The following MROH2A variants were observed in gnomAD, a reference collection of about 807,000 sequenced individuals.
MROH2A encodes maestro heat-like repeat-containing protein family member 2A.
Under a neutral mutation model 200.4 loss-of-function variants are expected in MROH2A, and 174 were observed. The ratio of observed to expected loss-of-function variants is 0.87; its 90% CI spans 0.77 to 0.98. MROH2A has a LOEUF of 0.98. Ranked by LOEUF, MROH2A falls within the 50% of genes least tolerant of loss-of-function variation. The pLI is 0.00. For missense variants in MROH2A, 2,045 were observed against 2,139.6 expected (o/e 0.96, Z 0.87); for synonymous variants, 829 against 840.4 (o/e 0.99, Z 0.23).
chr2:233,828,321 T>C lies in MROH2A; in HGVS notation c.4114-309T>C, dbSNP rs2124914096. Among the ~76,000 whole-genome samples the C allele has an allele frequency of 6.6e-6, 1 of 152,326 alleles. No homozygotes were observed. Among genetic ancestry groups the C allele is most frequent in the East Asian group, 1.9e-4 (1 of 5,192 alleles). On this transcript the variant is annotated intron_variant, in intron 35 of 41. Transcript: ENST00000389758. The surrounding 1 kb of genome is among the most constrained non-coding windows in gnomAD (Gnocchi z 4.6). ...TGTTTTTTGTGCCTTTCTGTTCAGA[T>C]GCAGGTGGGCGTGGCTCTTGCATTT...
chr2:233,813,637 A>C, intron 24 of MROH2A, 33 bp from the exon 25 acceptor site: 1 of 1,377,398 alleles, frequency 7.3e-7, no homozygotes, highest in African/African-American at 1.4e-5. Context: ...CTCCCCAATG[A>C]CTGTTCCTCT....
chr2:233,818,735 G>A lies in MROH2A; in HGVS notation c.3169G>A (p.Glu1057Lys). The change falls in exon 29 of 42, where the codon GAG becomes AAG. Residue 1057 changes from glutamate to lysine, a missense_variant. Transcript: ENST00000389758. ...GGGGGACCTCCAGAGCACAGATGTG[G>A]AGAAGATCTTCTGTGCATCCTCCAG... Reference protein sequence around the residue: ...CKGDLQSTDVEKIFCASSRIA... With the variant: ...CKGDLQSTDVKKIFCASSRIA... 6.5e-7 allele frequency: 1 copy of A among 1,549,608 alleles called. No homozygotes were observed. The highest frequency in any genetic ancestry group is 1.2e-5 in the South Asian group (1 of 84,024).
intron 11 of MROH2A, among the ~76,000 whole-genome samples, chr2:233,798,411 C>T (rs28900430): frequency 6.6e-6 from 1 of 152,184 alleles, no homozygotes; most frequent in African/African-American, 2.4e-5. Flanking sequence ...GTGTCAGGAC[C>T]CATGCTCTTC....
At position 233,792,405 on chromosome 2, in the gene MROH2A, C is replaced by T. The variant is rs575271479; in HGVS notation, c.572-391C>T. On this transcript the variant is annotated intron_variant, in intron 5 of 41. Transcript: ENST00000389758. The stretch of plus-strand genomic sequence containing the variant: ...TCGGCTCACTGCAAGCTCCGCCTCC[C>T]GGGTTCACGCCATTCTCCTGCCTCT... Among the ~76,000 whole-genome samples the T allele has an allele frequency of 8.5e-4, 129 of 151,958 alleles. 1 individual carries two copies. Among genetic ancestry groups the T allele is most frequent in the African/African-American group, 2.9e-3 (119 of 41,422 alleles).
intron 38 of MROH2A, 131 bp from the exon 39 acceptor site, chr2:233,831,278 C>A: frequency 8.2e-7 from 1 of 1,214,672 alleles, no homozygotes; most frequent in Middle Eastern, 2.8e-4. Flanking sequence ...CTCCCAGGAG[C>A]CACCAGCCCT....
intron 19 of MROH2A, among the ~76,000 whole-genome samples, chr2:233,805,326 A>G (rs576860023): frequency 1.1e-3 from 175 of 152,340 alleles, no homozygotes; most frequent in African/African-American, 3.9e-3. Flanking sequence ...CTGGCTAGCA[A>G]TCACATGTGT....
chr2:233,810,895 G>A lies in MROH2A; in HGVS notation c.2550G>A (p.Thr850=), dbSNP rs368659004. ...AGGACTTTCACTTTGCCCAGAAGAC[G>A]ACTCTTACCAGCATTATAGTGGTAA... ...DLEDFHFAQK[T]TLTSIIVAVI... The change falls in exon 23 of 42, where the codon ACG becomes ACA. Residue 850 remains threonine, a synonymous_variant. Coordinates refer to ENST00000389758, the MANE Select transcript of MROH2A (RefSeq NM_001394639.1). 45 of 1,550,264 alleles carry A rather than the reference G, an allele frequency of 2.9e-5. No homozygotes were observed. The South Asian group carries it at 4.2e-4, about 14-fold the overall frequency.
chr2:233,809,505 G>A (rs1703017010), intron 22 of MROH2A, among the ~76,000 whole-genome samples: 1 of 152,088 alleles, frequency 6.6e-6, no homozygotes, highest in Admixed American at 6.5e-5. Context: ...CCAGAGTGCT[G>A]GGTGGGGTCT....
At position 233,807,377 on chromosome 2, in the gene MROH2A, T is replaced by C. The variant is rs1702867825; in HGVS notation, c.2053-46T>C. ...CTCTACAACAGCACCCCCTGAAGGCTGGCTGTAGGGAGGCCTGAGCTCCTT... is the reference window on the plus strand; with the variant it reads ...CTCTACAACAGCACCCCCTGAAGGCCGGCTGTAGGGAGGCCTGAGCTCCTT... On this transcript the variant is annotated intron_variant, in intron 19 of 41. Coordinates refer to ENST00000389758, the MANE Select transcript of MROH2A (RefSeq NM_001394639.1). The surrounding 1 kb of genome is among the most constrained non-coding windows in gnomAD (Gnocchi z 4.3). 8 of 1,516,928 alleles carry C rather than the reference T, an allele frequency of 5.3e-6. No homozygotes were observed. The highest frequency in any genetic ancestry group is 7.1e-6 in the Non-Finnish European group (8 of 1,128,448). The allele number at this position is 1,516,928 out of a possible 1,614,324, so 94.0% of individuals were successfully genotyped here. A position where few individuals can be genotyped will look rare whatever the true frequency, so the allele number is the denominator to read the frequency against.
chr2:233,828,595 C>A lies in MROH2A; in HGVS notation c.4114-35C>A, dbSNP rs200779754. The A allele has an allele frequency of 1.3e-6, 2 of 1,544,376 alleles. No individual in the cohort carries two copies. The highest frequency in any genetic ancestry group is 2.7e-5 in the African/African-American group (2 of 72,844). On this transcript the variant is annotated intron_variant, in intron 35 of 41. Transcript: ENST00000389758. The surrounding 1 kb of genome is among the most constrained non-coding windows in gnomAD (Gnocchi z 4.6). ...ACCTTGCTGCTGAGAAATGAGCCCG[C>A]CCTGGGGATAACTGCCCAATGTCCT...
In MROH2A at chr2:233,804,066, C is replaced by T; in HGVS notation, c.1765C>T (p.Pro589Ser). The T allele has an allele frequency of 6.4e-7, 1 of 1,550,550 alleles. No individual in the cohort carries two copies. Among genetic ancestry groups the T allele is most frequent in the Non-Finnish European group, 8.7e-7 (1 of 1,146,980 alleles). The change falls in exon 17 of 42, where the codon CCT becomes TCT. Residue 589 changes from proline to serine, a missense_variant. Pro to Ser is a moderately conservative substitution (Grantham distance 74, BLOSUM62 -1). Coordinates refer to ENST00000389758, the MANE Select transcript of MROH2A (RefSeq NM_001394639.1). Reference protein sequence around the residue: ...LARLLVLMSSPYKGEGRGIAM... With the variant: ...LARLLVLMSSSYKGEGRGIAM... ...TGCCCTCCAGGTGCTGATGTCATCA[C>T]CTTACAAGGGGGAGGGTCGTGGGAT...
rs949032095 is a variant in MROH2A at position 233,802,195 on chromosome 2, A to T, written c.1588A>T (p.Ile530Phe). 1.3e-6 allele frequency: 2 copies of T among 1,550,174 alleles called. No individual in the cohort carries two copies. The highest frequency in any genetic ancestry group is 1.7e-6 in the Non-Finnish European group (2 of 1,146,790). Residue 530 changes from isoleucine (I) to phenylalanine (F), a missense_variant, in exon 15 of 42, where the codon ATC (isoleucine) becomes TTC (phenylalanine). Around this residue, in one of 3 missense-constraint regions of MROH2A, gnomAD observed 831 missense variants for 800.0 expected, o/e 1.04. Coordinates refer to ENST00000389758, the MANE Select transcript of MROH2A (RefSeq NM_001394639.1). ...TEFWVRLLCY[I>F]METDYVEALT... Reference sequence around the variant, plus strand: ...GTTTTGGGTGAGGCTGCTGTGCTACATCATGGAGACAGACTACGTGGAAGC... The same window carrying T: ...GTTTTGGGTGAGGCTGCTGTGCTACTTCATGGAGACAGACTACGTGGAAGC...
At chr2:233,788,595 G>T (rs901354988) in intron 3 of MROH2A, among the ~76,000 whole-genome samples, 2 of 152,012 alleles carry the variant, frequency 1.3e-5, no homozygotes, top group Non-Finnish European at 2.9e-5. Context: ...TTTTTCCTGA[G>T]GGCTTTGCAG....
chr2:233,792,517 G>T (rs186118135), intron 5 of MROH2A, among the ~76,000 whole-genome samples: 39 of 152,204 alleles, frequency 2.6e-4, no homozygotes, highest in African/African-American at 9.2e-4. Flanking sequence ...TTTCAACCGT[G>T]TTAGCCAGGA....
In MROH2A at chr2:233,828,684, C is replaced by T; in HGVS notation, c.4168C>T (p.Leu1390=). 1 of 1,550,738 alleles carries T rather than the reference C, an allele frequency of 6.4e-7. No individual in the cohort carries two copies. The highest frequency in any genetic ancestry group is 8.7e-7 in the Non-Finnish European group (1 of 1,147,018). ...GAAGCTGCTGAAGCCGGCAGCTTTG[C>T]TGCTGGAGAAGGGTGCCGACCAGGA... is the stretch of plus-strand genomic sequence containing the variant. ...QEKLLKPAAL[L]LEKGADQEED... is the part of the protein sequence containing the mutation. Residue 1390 remains leucine (L), a synonymous_variant, in exon 36 of 42, where the codon CTG becomes TTG. Transcript: ENST00000389758. This position sits in a 1 kb window ranked among gnomAD's most constrained non-coding sequence, Gnocchi z 4.6.
Position 233,816,769 on chromosome 2 carries a change from C to T in MROH2A, c.2857-12C>T. ...TTAACACCCACTTTGGTGTTCTGGG[C>T]TCTACCCATAGCTCCTGGAAAAGTG... On this transcript the variant is annotated splice_polypyrimidine_tract_variant and intron_variant, in intron 26 of 41. Transcript: ENST00000389758. 1.3e-6 allele frequency: 2 copies of T among 1,543,590 alleles called. No homozygotes were observed. The highest frequency in any genetic ancestry group is 2.0e-5 in the Admixed American group (1 of 50,990).
Position 233,804,994 on chromosome 2 carries a change from G to T in MROH2A, c.1945-10G>T. On this transcript the variant is annotated splice_polypyrimidine_tract_variant and intron_variant, in intron 18 of 41. Coordinates refer to ENST00000389758, the MANE Select transcript of MROH2A (RefSeq NM_001394639.1). ...TTGGCCCTTCTCACCAACGTCTTGT[G>T]CCTCCCCAGTTTCTGCGAAACTCCC... 6.5e-7 allele frequency: 1 copy of T among 1,535,462 alleles called. No individual in the cohort carries two copies.
At chr2:233,819,819 T>C (rs1421171318) in intron 30 of MROH2A, 83 bp from the exon 31 acceptor site, 41 of 1,401,902 alleles carry the variant, frequency 2.9e-5, no homozygotes, top group Non-Finnish European at 3.8e-5. Flanking sequence ...CCAGAGCCCT[T>C]AGAGCAGGGG....
In MROH2A at chr2:233,802,487, C is replaced by G. The variant is rs11890045; in HGVS notation, c.1708+172C>G. The stretch of plus-strand genomic sequence containing the variant: ...ACCTGGATATTAATGCCTACCTGAT[C>G]ATATCTAGGTCATGTTAGAATTGTG... On this transcript the variant is annotated intron_variant, in intron 15 of 41. Coordinates refer to ENST00000389758, the MANE Select transcript of MROH2A (RefSeq NM_001394639.1). The G allele has an allele frequency of 3.0e-3, 2,135 of 713,286 alleles. 32 individuals are homozygous for G. In the African/African-American group the frequency reaches 0.034, roughly 12 times the overall value. 44.2% of individuals were successfully genotyped at this position (713,286 alleles called of 1,614,324 possible).
Sources: allele counts gnomAD v4.1 joint callset (sites outside exome capture counted in the v4.1 genomes callset), GRCh38; gene constraint gnomAD v4.1.1; regional missense constraint gnomAD v4.1.1; non-coding constraint Gnocchi (gnomAD v3.1); transcripts MANE v1.5; gene names NCBI Gene and HGNC (gene_info 2026-07-23, HGNC 2026-07-21).